The following MRPL48 variants were observed in gnomAD, a reference collection of about 807,000 sequenced individuals.
The protein encoded by MRPL48 is large ribosomal subunit protein mL48.
Under a neutral mutation model 32.9 loss-of-function variants are expected in MRPL48, and 16 were observed. The observed-to-expected ratio is 0.49, with a 90% CI of 0.33 to 0.74. MRPL48 has a LOEUF of 0.74. Ranked by LOEUF, MRPL48 falls within the 30% of genes least tolerant of loss-of-function variation. MRPL48 has a pLI of 0.02. For missense variants in MRPL48, 206 were observed against 245.3 expected (o/e 0.84, Z 1.07); for synonymous variants, 94 against 89.2 (o/e 1.05, Z -0.31).
chr11:73,843,532 A>G (rs1948231089), intron 4 of MRPL48, among the ~76,000 whole-genome samples: 1 of 152,150 alleles, frequency 6.6e-6, no homozygotes, highest in Non-Finnish European at 1.5e-5. Context: ...CCTTCATTTT[A>G]ACTTTTTACA....
rs1178344194 is a variant in MRPL48, at chr11:73,797,796, A to T, written c.22-7231A>T. Among the ~76,000 whole-genome samples the T allele has an allele frequency of 2.0e-5, 3 of 152,180 alleles. No homozygotes were observed. In the East Asian group the frequency reaches 5.8e-4, roughly 29 times the overall value. ...CAAGTGGGTGAAACAAGCCCAGTGG[A>T]CCAGAGCAAAATTCGGGCAAAGATG... On this transcript the variant is annotated intron_variant, in intron 1 of 7. Transcript: ENST00000310614.
In MRPL48 at chr11:73,852,823, A is replaced by G. The variant is rs112074110; in HGVS notation, c.372-7084A>G. ...CGTATTTATTGCAGCACTATTCACA[A>G]TAGCCAAGATTTGGAAGCAACCGGA... is the stretch of plus-strand genomic sequence containing the variant. On this transcript the variant is annotated intron_variant, in intron 5 of 7. Transcript: ENST00000310614. Among the ~76,000 whole-genome samples, 705 of 152,344 alleles carry G rather than the reference A, an allele frequency of 4.6e-3. 4 individuals carry two copies. Among genetic ancestry groups the G allele is most frequent in the African/African-American group, 0.016 (674 of 41,578 alleles).
chr11:73,794,227 TCTAA>T (rs1000242111), intron 1 of MRPL48, among the ~76,000 whole-genome samples: 1 of 146,566 alleles, frequency 6.8e-6, no homozygotes, highest in African/African-American at 2.5e-5. Context: ...TATCTATCTA[TCTAA>T]ACTATCTGTC....
chr11:73,844,687 C>A (rs1466686320), intron 4 of MRPL48, 120 bp from the exon 5 acceptor site: 1 of 1,185,494 alleles, frequency 8.4e-7, no homozygotes, highest in Admixed American at 2.8e-5. Context: ...GGTGGGGTAA[C>A]CTGAGAGCAA....
At chr11:73,843,833 C>G (rs549787913) in intron 4 of MRPL48, among the ~76,000 whole-genome samples, 1 of 152,092 alleles carries the variant, frequency 6.6e-6, no homozygotes, top group African/African-American at 2.4e-5. Context: ...AATCCCGGCA[C>G]TTGGGGAGGC....
chr11:73,805,307 T>G (rs1947429027), intron 2 of MRPL48, among the ~76,000 whole-genome samples: 1 of 151,460 alleles, frequency 6.6e-6, no homozygotes, highest in South Asian at 2.1e-4. Flanking sequence ...TTTTTTTTTT[T>G]TCTTTTTGAG....
intron 5 of MRPL48, among the ~76,000 whole-genome samples, chr11:73,853,076 C>A (rs71479563): frequency 0.056 from 8,584 of 152,048 alleles, 268 homozygotes; most frequent in Middle Eastern, 0.11. Flanking sequence ...AGAGAGTAGT[C>A]TGATGGTTAC....
intron 5 of MRPL48, chr11:73,850,677 A>AG (rs1337226667): frequency 4.1e-5 from 9 of 217,338 alleles, no homozygotes; most frequent in African/African-American, 3.2e-4. Flanking sequence ...TGGGCTATAC[A>AG]ATTTTTTTTT....
At chr11:73,847,623 T>C (rs1948318341) in intron 5 of MRPL48, among the ~76,000 whole-genome samples, 2 of 152,280 alleles carry the variant, frequency 1.3e-5, no homozygotes, top group South Asian at 4.1e-4. Context: ...TTTTTGTATT[T>C]TTAGTAGAGA....
chr11:73,804,946 G>A (rs899745036), intron 1 of MRPL48, 81 bp from the exon 2 acceptor site: 155 of 1,327,818 alleles, frequency 1.2e-4, no homozygotes, highest in Non-Finnish European at 1.4e-4. Context: ...TGTGTACTGT[G>A]GGTTTCTTGC....
intron 6 of MRPL48, among the ~76,000 whole-genome samples, chr11:73,862,777 G>A (rs568149588): frequency 2.0e-5 from 3 of 152,116 alleles, no homozygotes; most frequent in East Asian, 1.9e-4. Context: ...AAAATTAGCC[G>A]GGACTGGTGG....
At chr11:73,815,332 T>C (rs757674185) in intron 3 of MRPL48, among the ~76,000 whole-genome samples, 16 of 151,938 alleles carry the variant, frequency 1.1e-4, no homozygotes, top group Non-Finnish European at 1.9e-4. Flanking sequence ...GAGAATAGCT[T>C]GAACCTGGGA....
chr11:73,793,771 C>A (rs991748798), intron 1 of MRPL48, among the ~76,000 whole-genome samples: 1 of 151,422 alleles, frequency 6.6e-6, no homozygotes, highest in African/African-American at 2.4e-5. Context: ...CCTATAATTC[C>A]AACACTTTGA....
intron 5 of MRPL48, among the ~76,000 whole-genome samples, chr11:73,847,857 G>C (rs1948322476): frequency 1.3e-5 from 2 of 152,224 alleles, no homozygotes; most frequent in Middle Eastern, 3.4e-3. Context: ...TGGGATTACA[G>C]TTGTGAGTCA....
chr11:73,788,089 C>G (rs1590918867), intron 1 of MRPL48, 97 bp downstream of exon 1: 15 of 1,353,948 alleles, frequency 1.1e-5, no homozygotes, highest in Non-Finnish European at 1.5e-5. Flanking sequence ...TGGCGGCGCG[C>G]GGACATCCGG....
intron 1 of MRPL48, among the ~76,000 whole-genome samples, chr11:73,796,705 T>C (rs1372702874): frequency 6.6e-6 from 1 of 152,180 alleles, no homozygotes; most frequent in Non-Finnish European, 1.5e-5. Context: ...TAACGGTACC[T>C]TTTCCAGGCC....
intron 3 of MRPL48, chr11:73,822,902 T>C (rs1254900542): frequency 1.0e-5 from 4 of 401,774 alleles, no homozygotes; most frequent in South Asian, 3.7e-5. Context: ...TAGATTCTCA[T>C]AGGAGCATGA....
At chr11:73,833,325 T>C (rs1276755988) in intron 4 of MRPL48, among the ~76,000 whole-genome samples, 5 of 151,572 alleles carry the variant, frequency 3.3e-5, no homozygotes, top group African/African-American at 1.2e-4. Context: ...CCTGTGCCAT[T>C]AGAGCTCCTG....
intron 4 of MRPL48, among the ~76,000 whole-genome samples, chr11:73,840,252 G>A (rs893982663): frequency 2.0e-5 from 3 of 152,170 alleles, no homozygotes; most frequent in African/African-American, 4.8e-5. Context: ...TAATACTTTG[G>A]GAGGCCAAGG....
Sources: allele counts gnomAD v4.1 joint callset (sites outside exome capture counted in the v4.1 genomes callset), GRCh38; gene constraint gnomAD v4.1.1; transcripts MANE v1.5; gene names NCBI Gene and HGNC (gene_info 2026-07-23, HGNC 2026-07-21).